The following TANC1 variants were observed in gnomAD, a reference collection of about 807,000 sequenced individuals.
TANC1 encodes tetratricopeptide repeat, ankyrin repeat and coiled-coil containing 1.
Under a neutral mutation model 149.7 loss-of-function variants are expected in TANC1, and 77 were observed. The ratio of observed to expected loss-of-function variants is 0.51; its 90% confidence interval spans 0.43 to 0.62. TANC1 has a LOEUF of 0.62. Ranked by LOEUF, TANC1 falls within the 20% of genes least tolerant of loss-of-function variation. The probability of loss-of-function intolerance (pLI) is 0.00; values close to 1 mark genes in which losing one functional copy is unlikely to be tolerated. For synonymous variants in TANC1, 854 were observed against 925.0 expected (o/e 0.92, Z 1.39); for missense variants, 1,985 against 2,321.8 (o/e 0.85, Z 2.98).
chr2:159,039,878 A>C (rs901989629), intron 2 of TANC1, among the ~76,000 whole-genome samples: 3 of 152,240 alleles, frequency 2.0e-5, no homozygotes, highest in Admixed American at 1.3e-4. Flanking sequence ...CACTTGGTGC[A>C]GAGCTGAGTT....
intron 1 of TANC1, among the ~76,000 whole-genome samples, chr2:158,991,724 C>T (rs1490165091): frequency 2.0e-5 from 3 of 151,442 alleles, no homozygotes; most frequent in African/African-American, 4.9e-5. Context: ...CCAGCCTGGG[C>T]GACAGAGTGA....
intron 13 of TANC1, among the ~76,000 whole-genome samples, chr2:159,176,907 A>T (rs1364597128): frequency 6.3e-4 from 64 of 102,010 alleles, no homozygotes; most frequent in African/African-American, 8.2e-4. Flanking sequence ...AAGGTGAAAG[A>T]TTTTTTTTTT....
intron 1 of TANC1, among the ~76,000 whole-genome samples, chr2:158,973,149 C>A (rs955968517): frequency 6.6e-6 from 1 of 152,156 alleles, no homozygotes; most frequent in African/African-American, 2.4e-5. Flanking sequence ...GACATAGTTC[C>A]TGGATTTTAG....
At position 159,228,894 on chromosome 2, in the gene TANC1, C is replaced by A. The variant is rs943370056; in HGVS notation, c.4149C>A (p.Ser1383Arg). The A allele has an allele frequency of 2.5e-6, 4 of 1,611,496 alleles. No individual in the cohort carries two copies. In the Middle Eastern group the frequency reaches 5.0e-4, roughly 200 times the overall value. ...CCAGAGCAAGAGCGAAGAGAAATAGCAGGTACCGTCTGTGGTTATCTTTGT... is the reference window on the plus strand; with the variant it reads ...CCAGAGCAAGAGCGAAGAGAAATAGAAGGTACCGTCTGTGGTTATCTTTGT... ...FYARARAKRN[S>R]RQFVAALADL... The change falls in exon 26 of 27, where the codon AGC becomes AGA. Residue 1383 changes from serine (S) to arginine (R), a missense_variant and splice_region_variant. This residue lies in a region of TANC1 where 920 missense variants were observed against 994.7 expected (regional missense o/e 0.92). Coordinates refer to ENST00000263635, the MANE Select transcript of TANC1 (RefSeq NM_033394.3).
At chr2:159,010,739 T>A (rs1318018417) in intron 2 of TANC1, among the ~76,000 whole-genome samples, 3 of 151,598 alleles carry the variant, frequency 2.0e-5, no homozygotes, top group Non-Finnish European at 4.4e-5. Flanking sequence ...TTTTTTTTTT[T>A]AATGAAAGCC....
chr2:159,096,910 A>T (rs1031775129), intron 3 of TANC1, among the ~76,000 whole-genome samples: 1 of 152,226 alleles, frequency 6.6e-6, no homozygotes, highest in African/African-American at 2.4e-5. Flanking sequence ...ATAAGAGCTG[A>T]ACATACTGAC....
chr2:159,056,715 G>T, intron 2 of TANC1: 1 of 268,668 alleles, frequency 3.7e-6, no homozygotes. Flanking sequence ...AATCTTTTCA[G>T]TCTTACCACA....
intron 16 of TANC1, among the ~76,000 whole-genome samples, chr2:159,191,127 C>T (rs1341746196): frequency 1.3e-5 from 2 of 152,192 alleles, no homozygotes; most frequent in African/African-American, 2.4e-5. Flanking sequence ...ACAGTGGTCT[C>T]TCTGATGGTG....
chr2:159,078,584 C>T (rs1387811329), intron 3 of TANC1, among the ~76,000 whole-genome samples: 1 of 152,160 alleles, frequency 6.6e-6, no homozygotes, highest in African/African-American at 2.4e-5. Context: ...TTTGATTCTA[C>T]TAATCTGATT....
chr2:159,164,221 A>G (rs2054348453), intron 8 of TANC1, among the ~76,000 whole-genome samples: 1 of 152,226 alleles, frequency 6.6e-6, no homozygotes, highest in African/African-American at 2.4e-5. Flanking sequence ...ATAGTTCTAC[A>G]TCTATGGATT....
chr2:159,219,964 A>C, intron 22 of TANC1, 97 bp downstream of exon 22: 3 of 1,029,066 alleles, frequency 2.9e-6, no homozygotes, highest in Non-Finnish European at 4.2e-6. Context: ...GTTGTGTCTC[A>C]GTGTCATCAG....
At chr2:159,168,322 CAG>C (rs1305608702) in intron 8 of TANC1, among the ~76,000 whole-genome samples, 1 of 112,616 alleles carries the variant, frequency 8.9e-6, no homozygotes, top group African/African-American at 3.3e-5. Flanking sequence ...TTTTTTGAGA[CAG>C]AGTTTTGCTC....
chr2:159,103,165 C>G lies in TANC1; in HGVS notation c.259+5331C>G, dbSNP rs1250668745. 3.1e-5 allele frequency among the ~76,000 whole-genome samples: 3 copies of G among 96,530 alleles called. 1 individual carries two copies. In the East Asian group the frequency reaches 6.9e-4, roughly 22 times the overall value. 63.3% of individuals were successfully genotyped at this position (96,530 alleles called of 152,430 possible). A position where few individuals can be genotyped will look rare whatever the true frequency, so the allele number is the denominator to read the frequency against. ...TACAGTTCAGTGGTAATTACACTCA[C>G]GTTGTTGTACAACCCATCTTTAGAA... On this transcript the variant is annotated intron_variant, in intron 4 of 26. Transcript: ENST00000263635.
intron 3 of TANC1, among the ~76,000 whole-genome samples, chr2:159,081,203 G>T (rs934753369): frequency 6.6e-6 from 1 of 152,176 alleles, no homozygotes. Flanking sequence ...GAAGAAAATT[G>T]GCTATCTTTA....
At chr2:159,059,930 G>GTGTGTGTGTGTGT (rs3058724) in intron 2 of TANC1, among the ~76,000 whole-genome samples, 4 of 125,090 alleles carry the variant, frequency 3.2e-5, no homozygotes, top group Non-Finnish European at 6.4e-5. Context: ...GTGTGTGTGT[G>GTGTGTGTGTGTGT]GTTTTTTGTT....
intron 1 of TANC1, among the ~76,000 whole-genome samples, chr2:158,990,578 AAG>A (rs944363529): frequency 2.0e-5 from 3 of 152,182 alleles, no homozygotes; most frequent in African/African-American, 7.2e-5. Context: ...GGGATTGAGT[AAG>A]AATTCACTTA....
chr2:159,020,404 G>A (rs2038729840), intron 2 of TANC1, among the ~76,000 whole-genome samples: 1 of 152,156 alleles, frequency 6.6e-6, no homozygotes, highest in African/African-American at 2.4e-5. Context: ...ATGATTATAG[G>A]TGTGAGCCAC....
chr2:159,182,894 G>A (rs760993987), intron 14 of TANC1, among the ~76,000 whole-genome samples: 13 of 152,320 alleles, frequency 8.5e-5, no homozygotes, highest in East Asian at 1.9e-4. Flanking sequence ...CTGTTAACTC[G>A]AGGAGTTAAT....
chr2:158,999,190 G>T (rs2162575), intron 1 of TANC1, among the ~76,000 whole-genome samples: 1 of 152,180 alleles, frequency 6.6e-6, no homozygotes, highest in Non-Finnish European at 1.5e-5. Context: ...ATGTAATGGT[G>T]TGCACAAAGC....
Sources: allele counts gnomAD v4.1 joint callset (sites outside exome capture counted in the v4.1 genomes callset), GRCh38; gene constraint gnomAD v4.1.1; regional missense constraint gnomAD v4.1.1; transcripts MANE v1.5; gene names NCBI Gene and HGNC (gene_info 2026-07-23, HGNC 2026-07-21).